The following FAM161B variants were observed in gnomAD, a reference collection of about 807,000 sequenced individuals.
FAM161B encodes the protein FAM161 centrosomal protein B, also known as protein FAM161B.
A neutral mutation model predicts 61.5 loss-of-function variants in FAM161B; 46 were observed. That is an observed-to-expected ratio of 0.75 (90% confidence interval 0.59 to 0.96). The LOEUF is 0.96. FAM161B is among the 40% of genes least tolerant of loss of function. FAM161B has a pLI of 0.00. For missense variants in FAM161B, 774 were observed against 800.7 expected (o/e 0.97, Z 0.40); for synonymous variants, 284 against 302.7 (o/e 0.94, Z 0.64).
rs1277974006 is a variant in FAM161B at position 73,938,047 on chromosome 14, T to A, written c.1466A>T (p.Lys489Met). Residue 489 changes from lysine (K) to methionine (M), a missense_variant, in exon 6 of 9, where the codon AAG becomes ATG. Coordinates refer to ENST00000286544, the MANE Select transcript of FAM161B (RefSeq NM_152445.3). Reference protein sequence around the residue: ...SIQWLEIHKKKSQAMSKSVTL... With the variant: ...SIQWLEIHKKMSQAMSKSVTL... ...CACAGATTTGGACATTGCTTGAGAC[T>A]TCTTTTTGTGTATCTCCAGCCACTG... 1.2e-6 allele frequency: 2 copies of A among 1,614,234 alleles called. No individual in the cohort carries two copies. Among genetic ancestry groups the A allele is most frequent in the Admixed American group, 3.3e-5 (2 of 60,028 alleles).
At chr14:73,934,465 G>A (rs896316362) in intron 8 of FAM161B, 71 bp from the exon 9 acceptor site, 1 of 1,465,504 alleles carries the variant, frequency 6.8e-7, no homozygotes, top group Non-Finnish European at 9.2e-7. Flanking sequence ...TCTCACCCAG[G>A]CTGGAGTGCA....
chr14:73,929,126 T>C (rs1032101970), downstream of FAM161B, among the ~76,000 whole-genome samples: 13 of 152,232 alleles, frequency 8.5e-5, no homozygotes, highest in African/African-American at 2.4e-5. Context: ...TTTACAAACA[T>C]ACCCTCTGTC....
rs2056065960 is a variant in FAM161B at position 73,946,321 on chromosome 14, C to T, written c.339G>A (p.Arg113=). 1 of 1,614,046 alleles carries T rather than the reference C, an allele frequency of 6.2e-7. No individual in the cohort carries two copies. The highest frequency in any genetic ancestry group is 1.7e-5 in the Admixed American group (1 of 60,008). The change falls in exon 2 of 9, where the codon AGG becomes AGA. Residue 113 remains arginine, a synonymous_variant. Coordinates refer to ENST00000286544, the MANE Select transcript of FAM161B (RefSeq NM_152445.3). ...GCGGGCACTGGACCTGCACCATCCCCCTGTCCTTGTCTTGGAAGAAACTCT... is the reference window on the plus strand; with the variant it reads ...GCGGGCACTGGACCTGCACCATCCCTCTGTCCTTGTCTTGGAAGAAACTCT... ...DLESFFQDKD[R]GMVQVQCPQA...
intron 1 of FAM161B, among the ~76,000 whole-genome samples, chr14:73,947,126 C>CTAT (rs1280279742): frequency 6.6e-6 from 1 of 152,134 alleles, no homozygotes; most frequent in African/African-American, 2.4e-5. Flanking sequence ...TGGCTCATGC[C>CTAT]TGTAATCCCA....
Position 73,942,407 on chromosome 14 carries a change from G to T in FAM161B, c.1234C>A (p.Gln412Lys). The change falls in exon 4 of 9, where the codon CAG becomes AAG. Residue 412 changes from glutamine to lysine, a missense_variant. Transcript: ENST00000286544. ...GTGGTGGCAGCATCACAGGGCCGCT[G>T]AGGGTGGCGCAGGTTGGCGGTCCTC... ...LLRTANLRHP[Q>K]RPCDAATTGR... 6.2e-7 allele frequency: 1 copy of T among 1,614,206 alleles called. No individual in the cohort carries two copies. The highest frequency in any genetic ancestry group is 1.1e-5 in the South Asian group (1 of 91,076).
the FAM161B span, among the ~76,000 whole-genome samples, chr14:73,926,380 CT>C: frequency 2.0e-5 from 3 of 151,088 alleles, no homozygotes; most frequent in Non-Finnish European, 4.4e-5. Flanking sequence ...TATAATAGTC[CT>C]TTTTTTTCAG....
In FAM161B at chr14:73,933,102, A is replaced by G. The variant is rs965066469; in HGVS notation, c.*1154T>C. On this transcript the variant is annotated 3_prime_UTR_variant, in exon 9 of 9. Coordinates refer to ENST00000286544, the MANE Select transcript of FAM161B (RefSeq NM_152445.3). ...AATTGTTTTAAATTCTTAATTTGTT[A>G]ATGACATGCATAATCACATAGTACA... is the stretch of plus-strand genomic sequence containing the variant. 3 of 152,702 alleles carry G rather than the reference A, an allele frequency of 2.0e-5. No individual in the cohort carries two copies. Among genetic ancestry groups the G allele is most frequent in the African/African-American group, 7.2e-5 (3 of 41,466 alleles). The allele number at this position is 152,702 out of a possible 1,614,324, so 9.5% of individuals were successfully genotyped here. A position where few individuals can be genotyped will look rare whatever the true frequency, so the allele number is the denominator to read the frequency against.
chr14:73,935,996 G>A lies in FAM161B; in HGVS notation c.1758C>T (p.Gly586=). Residue 586 remains glycine (G), a synonymous_variant, in exon 8 of 9, where the codon GGC becomes GGT. Coordinates refer to ENST00000286544, the MANE Select transcript of FAM161B (RefSeq NM_152445.3). ...TCTCTTTCTCTTGAACAGCCCGGGT[G>A]CCTTGACCCTTGTTTCTCACAAAGT... The part of the protein sequence containing the change: ...EEDFVRNKGQ[G]TRAVQEKETK... 1 of 1,613,696 alleles carries A rather than the reference G, an allele frequency of 6.2e-7. No homozygotes were observed. The highest frequency in any genetic ancestry group is 8.5e-7 in the Non-Finnish European group (1 of 1,179,766).
chr14:73,948,473 TGAG>T (rs1195234102), intron 1 of FAM161B, among the ~76,000 whole-genome samples: 1 of 152,214 alleles, frequency 6.6e-6, no homozygotes, highest in Non-Finnish European at 1.5e-5. Flanking sequence ...ACTTGATTGA[TGAG>T]GAGCCAGGCT....
At position 73,944,480 on chromosome 14, in the gene FAM161B, G is replaced by T; in HGVS notation, c.780C>A (p.Ser260Arg). Reference sequence around the variant, plus strand: ...TTAGCTGCTCCTCCTTCTCCAGGAAGCTGAAGGGCTTCAAAGAAGAGAGGA... The same window carrying T: ...TTAGCTGCTCCTCCTTCTCCAGGAATCTGAAGGGCTTCAAAGAAGAGAGGA... ...ELLLSSLKPF[S>R]FLEKEEQLKE... Residue 260 changes from serine to arginine, a missense_variant, in exon 3 of 9, where the codon AGC (serine) becomes AGA (arginine). By Grantham distance (110) the Ser-to-Arg change is moderately radical. Transcript: ENST00000286544. 4 of 1,614,030 alleles carry T rather than the reference G, an allele frequency of 2.5e-6. No homozygotes were observed. The highest frequency in any genetic ancestry group is 3.4e-6 in the Non-Finnish European group (4 of 1,179,942).
Position 73,934,305 on chromosome 14 carries a change from A to C in FAM161B, c.1895T>G (p.Leu632Arg). The change falls in exon 9 of 9, where the codon CTG (leucine) becomes CGG (arginine). Residue 632 changes from leucine (L) to arginine (R), a missense_variant. Leu to Arg is a moderately radical substitution (Grantham distance 102). Coordinates refer to ENST00000286544, the MANE Select transcript of FAM161B (RefSeq NM_152445.3). ...LEQPASPRKV[L>R]EELSHQSPEN... Reference sequence around the variant, plus strand: ...TGGTGACTGATGAGACAGCTCCTCCAGTACTTTCCTGGGGCTTGCAGGCTG... The same window carrying C: ...TGGTGACTGATGAGACAGCTCCTCCCGTACTTTCCTGGGGCTTGCAGGCTG... The C allele has an allele frequency of 6.2e-7, 1 of 1,614,188 alleles. No homozygotes were observed. The highest frequency in any genetic ancestry group is 8.5e-7 in the Non-Finnish European group (1 of 1,180,030).
intron 8 of FAM161B, 135 bp downstream of exon 8, chr14:73,935,814 A>G: frequency 2.1e-6 from 2 of 949,354 alleles, no homozygotes; most frequent in Non-Finnish European, 2.9e-6. Flanking sequence ...AGATCTCTGG[A>G]TTACTTATTA....
Position 73,942,632 on chromosome 14 carries a change from TAG to T in FAM161B, c.1007_1008del (p.Ser336Ter). 6.2e-7 allele frequency: 1 copy of T among 1,614,188 alleles called. No individual in the cohort carries two copies. The highest frequency in any genetic ancestry group is 8.5e-7 in the Non-Finnish European group (1 of 1,180,026). On this transcript the variant is annotated frameshift_variant, in exon 4 of 9. Transcript: ENST00000286544. LOFTEE classifies it high-confidence loss of function. Reference protein sequence around the residue: ...LQMASSPIASSSNRANPQPRT... With the variant: ...LQMASSPIASXSNRANPQPRT... ...CGGGGCTGTGGGTTAGCCCGGTTACTAGAGGAGGCGATAGGGGAAGAGGCCAT... is the reference window on the plus strand; with the variant it reads ...CGGGGCTGTGGGTTAGCCCGGTTACTAGGAGGCGATAGGGGAAGAGGCCAT...
chr14:73,923,838 G>T, the FAM161B span, among the ~76,000 whole-genome samples: 1 of 152,102 alleles, frequency 6.6e-6, no homozygotes, highest in African/African-American at 2.4e-5. Flanking sequence ...CACACAGCAG[G>T]CACTGAATAA....
chr14:73,945,862 C>T lies in FAM161B; in HGVS notation c.374+424G>A, dbSNP rs552045424. ...GCTCAAGGGATTCTCATGCGTCAGC[C>T]TCCTGAGTAGCTGGGATTACGGGCA... On this transcript the variant is annotated intron_variant, in intron 2 of 8. Transcript: ENST00000286544. Among the ~76,000 whole-genome samples the T allele has an allele frequency of 2.7e-3, 412 of 152,040 alleles. 3 individuals are homozygous for T. Among genetic ancestry groups the T allele is most frequent in the African/African-American group, 9.6e-3 (398 of 41,456 alleles).
In FAM161B at chr14:73,937,644, C is replaced by T. The variant is rs1454718013; in HGVS notation, c.1623G>A (p.Gln541=). 1 of 1,614,030 alleles carries T rather than the reference C, an allele frequency of 6.2e-7. No individual in the cohort carries two copies. The highest frequency in any genetic ancestry group is 1.1e-5 in the South Asian group (1 of 91,074). Residue 541 remains glutamine (Q), a synonymous_variant, in exon 7 of 9, where the codon CAG becomes CAA. Coordinates refer to ENST00000286544, the MANE Select transcript of FAM161B (RefSeq NM_152445.3). ...EYKKELEEMK[Q]RIQTRPYLFE... ...AGAGATAGGGCCTTGTTTGTATTCGCTGCTTCATTTCCTCCAGTTCTTTCT... is the reference window on the plus strand; with the variant it reads ...AGAGATAGGGCCTTGTTTGTATTCGTTGCTTCATTTCCTCCAGTTCTTTCT...
chr14:73,937,011 T>TG (rs2055975287), intron 7 of FAM161B, among the ~76,000 whole-genome samples: 1 of 152,100 alleles, frequency 6.6e-6, no homozygotes, highest in African/African-American at 2.4e-5. Context: ...CCAGGATACT[T>TG]CGGGTACACT....
Position 73,942,454 on chromosome 14 carries a change from G to C in FAM161B, c.1187C>G (p.Thr396Ser), listed in dbSNP as rs2056027758. The C allele has an allele frequency of 1.2e-6, 2 of 1,614,100 alleles. No individual in the cohort carries two copies. The highest frequency in any genetic ancestry group is 2.2e-5 in the East Asian group (1 of 44,900). Residue 396 changes from threonine to serine, a missense_variant, in exon 4 of 9, where the codon ACT becomes AGT. Transcript: ENST00000286544. ...CCTCAGCAAGAAGGGCTTGTTGCGA[G>C]TGGCCTCTTGGGTTTCTCTTCTTTT... ...AAKRRETQEA[T>S]RNKPFLLRTA...
At chr14:73,923,342 A>G in the FAM161B span, 1 of 1,584,398 alleles carries the variant, frequency 6.3e-7, no homozygotes, top group South Asian at 1.2e-5. Context: ...TGATCCAGAT[A>G]GGTGTATCTC....
Sources: allele counts gnomAD v4.1 joint callset (sites outside exome capture counted in the v4.1 genomes callset), GRCh38; gene constraint gnomAD v4.1.1; transcripts MANE v1.5; gene names NCBI Gene and HGNC (gene_info 2026-07-23, HGNC 2026-07-21).